The following C8orf74 variants were observed in gnomAD, a reference collection of about 807,000 sequenced individuals.
C8orf74 encodes the protein uncharacterized protein C8orf74.
In C8orf74, 29 loss-of-function variants were observed where a neutral mutation model predicts 22.2. The observed-to-expected ratio is 1.31, with a 90% CI of 0.97 to 1.78. The LOEUF (loss-of-function observed/expected upper bound fraction) is 1.78. Ranked by LOEUF, C8orf74 falls within the 40% of genes most tolerant of loss-of-function variation. The pLI is 0.00. For missense variants in C8orf74, 515 were observed against 369.9 expected (o/e 1.39, Z -3.22); for synonymous variants, 255 against 163.1 (o/e 1.56, Z -4.30).
chr8:10,675,885 A>G (rs1463474442), intron 2 of C8orf74: 2 of 152,242 alleles, frequency 1.3e-5, no homozygotes, highest in Admixed American at 1.3e-4. Context: ...GGATGTCTTC[A>G]CACGTGACCT....
intron 2 of C8orf74, among the ~76,000 whole-genome samples, chr8:10,676,387 C>G (rs1417941143): frequency 6.6e-6 from 1 of 152,094 alleles, no homozygotes; most frequent in African/African-American, 2.4e-5. Flanking sequence ...CTGACCACCC[C>G]CAGGGCCAGC....
chr8:10,679,079 T>A (rs1799093572), intron 2 of C8orf74, among the ~76,000 whole-genome samples: 1 of 152,184 alleles, frequency 6.6e-6, no homozygotes, highest in Non-Finnish European at 1.5e-5. Flanking sequence ...GGACCCGGTT[T>A]TGCCATTTCC....
chr8:10,694,027 G>T (rs1799438649), intron 2 of C8orf74, among the ~76,000 whole-genome samples: 1 of 152,224 alleles, frequency 6.6e-6, no homozygotes, highest in Non-Finnish European at 1.5e-5. Context: ...GCTGGGCTGT[G>T]AAGTGGCCCC....
chr8:10,680,026 T>A (rs1047863065), intron 2 of C8orf74: 8 of 152,526 alleles, frequency 5.2e-5, no homozygotes, highest in Admixed American at 3.3e-4. Context: ...GAGCGATGCA[T>A]ATGGCACAGA....
At chr8:10,691,306 C>G (rs1799375946) in intron 2 of C8orf74, 1 of 228,118 alleles carries the variant, frequency 4.4e-6, no homozygotes, top group Admixed American at 4.5e-5. Flanking sequence ...CCAGGCACGG[C>G]TGCTGAGCAC....
At chr8:10,675,599 G>C (rs1010963892) in intron 2 of C8orf74, 2 of 152,154 alleles carry the variant, frequency 1.3e-5, no homozygotes, top group Admixed American at 1.3e-4. Flanking sequence ...ACTCTTACAG[G>C]GAAGAAGCTG....
In C8orf74 at chr8:10,697,081, A is replaced by G. The variant is rs77694799; in HGVS notation, c.242-518A>G. ...GAAATAAATGGGATAAGTGTAAGTT[A>G]CTGCAAGTAAAAAAAGAAACGTGGT... is the stretch of plus-strand genomic sequence containing the variant. On this transcript the variant is annotated intron_variant, in intron 2 of 3. Coordinates refer to ENST00000304519, the MANE Select transcript of C8orf74 (RefSeq NM_001040032.2). Among the ~76,000 whole-genome samples the G allele has an allele frequency of 3.9e-5, 6 of 152,312 alleles. No individual in the cohort carries two copies. The East Asian group carries it at 1.2e-3, about 29-fold the overall frequency.
At chr8:10,694,013 C>T (rs933808990) in intron 2 of C8orf74, among the ~76,000 whole-genome samples, 3 of 152,250 alleles carry the variant, frequency 2.0e-5, no homozygotes, top group African/African-American at 7.2e-5. Context: ...TCTGCTGTCA[C>T]TCAGCTGGGC....
chr8:10,695,418 T>C (rs1406497561), intron 2 of C8orf74, among the ~76,000 whole-genome samples: 1 of 152,166 alleles, frequency 6.6e-6, no homozygotes, highest in Non-Finnish European at 1.5e-5. Flanking sequence ...TCTGTGATTC[T>C]GCATGATGGA....
At chr8:10,698,095 G>A in intron 3 of C8orf74, 90 bp downstream of exon 3, 1 of 1,287,216 alleles carries the variant, frequency 7.8e-7, no homozygotes, top group Non-Finnish European at 1.0e-6. Context: ...GAGCTCCTCA[G>A]TGGCACACAG....
At chr8:10,695,737 G>A (rs528134399) in intron 2 of C8orf74, among the ~76,000 whole-genome samples, 1 of 152,292 alleles carries the variant, frequency 6.6e-6, no homozygotes, top group South Asian at 2.1e-4. Flanking sequence ...TCTAGCTGGG[G>A]GTGGGGAAAC....
At chr8:10,696,235 A>G (rs1799494497) in intron 2 of C8orf74, among the ~76,000 whole-genome samples, 1 of 151,834 alleles carries the variant, frequency 6.6e-6, no homozygotes, top group East Asian at 2.0e-4. Context: ...AGGAGGAGTG[A>G]AGGGGAGAGG....
chr8:10,698,220 A>T (rs11995451), intron 3 of C8orf74, among the ~76,000 whole-genome samples: 29,874 of 152,050 alleles, frequency 0.2, 8,601 homozygotes, highest in African/African-American at 0.63. Context: ...CGCAGAGAAC[A>T]TTTTAACTCG....
chr8:10,697,843 G>A lies in C8orf74; in HGVS notation c.486G>A (p.Trp162Ter), dbSNP rs755569291. The change falls in exon 3 of 4, where the codon TGG becomes TGA. Residue 162 changes from tryptophan to a stop codon, truncating the protein, a stop_gained. Coordinates refer to ENST00000304519, the MANE Select transcript of C8orf74 (RefSeq NM_001040032.2). LOFTEE classifies it high-confidence loss of function. ...CCGAGGGCATGGACAGGGACTTGTG[G>A]ATCCACGAGCAGCAGGTGGCCACAC... ...PLAEGMDRDL[W>*]IHEQQVATLT... The A allele has an allele frequency of 3.1e-6, 5 of 1,613,770 alleles. No homozygotes were observed. Among genetic ancestry groups the A allele is most frequent in the East Asian group, 2.2e-5 (1 of 44,876 alleles).
At chr8:10,676,504 C>A (rs372515898) in intron 2 of C8orf74, among the ~76,000 whole-genome samples, 54 of 152,326 alleles carry the variant, frequency 3.5e-4, no homozygotes, top group African/African-American at 1.3e-3. Flanking sequence ...GAATGTCCCA[C>A]GGCACCTCTG....
chr8:10,699,776 G>T (rs931424018), intron 3 of C8orf74, among the ~76,000 whole-genome samples: 1 of 152,200 alleles, frequency 6.6e-6, no homozygotes, highest in East Asian at 1.9e-4. Context: ...GGATGGTGGG[G>T]GCCCAGGGTA....
intron 2 of C8orf74, among the ~76,000 whole-genome samples, chr8:10,689,971 A>G (rs1249302075): frequency 6.6e-6 from 1 of 152,114 alleles, no homozygotes; most frequent in Non-Finnish European, 1.5e-5. Context: ...AAAAGTTAGA[A>G]TTCAGCCTAG....
At position 10,700,454 on chromosome 8, in the gene C8orf74, G is replaced by A. The variant is rs959890571; in HGVS notation, c.868G>A (p.Ala290Thr). ...KPQRASKGKKAKARK is the reference protein window; with the variant it reads ...KPQRASKGKKTKARK ...CCAAAGAGCGAGCAAAGGAAAGAAA[G>A]CGAAGGCAAGGAAGTAGAAGGTCCC... is the stretch of plus-strand genomic sequence containing the variant. Residue 290 changes from alanine (A) to threonine (T), a missense_variant, in exon 4 of 4, where the codon GCG (alanine) becomes ACG (threonine). By Grantham distance (58) the Ala-to-Thr change is moderately conservative. Coordinates refer to ENST00000304519, the MANE Select transcript of C8orf74 (RefSeq NM_001040032.2). 2 of 1,544,972 alleles carry A rather than the reference G, an allele frequency of 1.3e-6. No homozygotes were observed. The highest frequency in any genetic ancestry group is 3.7e-5 in the Admixed American group (2 of 53,824).
At chr8:10,680,939 T>C (rs1183586965) in intron 2 of C8orf74, among the ~76,000 whole-genome samples, 1 of 152,104 alleles carries the variant, frequency 6.6e-6, no homozygotes, top group Non-Finnish European at 1.5e-5. Flanking sequence ...CTGTCTGTTT[T>C]GGCTAAAATC....
Sources: gnomAD v4.1 joint callset for allele counts (sites outside exome capture counted in the v4.1 genomes callset) on GRCh38, gnomAD v4.1.1 for gene constraint, MANE v1.5 for transcripts, NCBI Gene and HGNC (gene_info 2026-07-23, HGNC 2026-07-21) for gene names.